Variants in DRAXIN observed in about 807,000 individuals in gnomAD.
The protein encoded by DRAXIN is dorsal repulsive axon guidance protein.
Under a neutral mutation model 33.9 loss-of-function variants are expected in DRAXIN, and 27 were observed. The ratio of observed to expected loss-of-function variants is 0.80; its 90% CI spans 0.59 to 1.10. DRAXIN has a LOEUF of 1.10. DRAXIN is among the 50% of genes least tolerant of loss of function. The pLI is 0.00. For missense variants in DRAXIN, 371 were observed against 460.8 expected, an observed-to-expected ratio of 0.81 and a Z score of 1.78; for synonymous variants, 178 against 194.0, an observed-to-expected ratio of 0.92 and a Z score of 0.69.
At position 11,696,594 on chromosome 1, in the gene DRAXIN, C is replaced by T. The variant is rs546043934; in HGVS notation, c.-11+4741C>T. On this transcript the variant is annotated intron_variant, in intron 1 of 6. Transcript: ENST00000294485. The surrounding 1 kb of genome is among the most constrained non-coding windows in gnomAD (Gnocchi z 4.7). Reference sequence around the variant, plus strand: ...AGAGCAAAAATCTGTCTCAAAAAAACCAAAACAAAAAACACTTTGGGAGGC... The same window carrying T: ...AGAGCAAAAATCTGTCTCAAAAAAATCAAAACAAAAAACACTTTGGGAGGC... Among the ~76,000 whole-genome samples the T allele has an allele frequency of 6.8e-6, 1 of 147,914 alleles. No individual in the cohort carries two copies. The highest frequency in any genetic ancestry group is 2.1e-4 in the East Asian group (1 of 4,850).
In DRAXIN at chr1:11,692,502, T is replaced by G. The variant is rs1180739843; in HGVS notation, c.-11+649T>G. Among the ~76,000 whole-genome samples, 1 of 152,190 alleles carries G rather than the reference T, an allele frequency of 6.6e-6. No homozygotes were observed. The highest frequency in any genetic ancestry group is 1.5e-5 in the Non-Finnish European group (1 of 68,028). Reference sequence around the variant, plus strand: ...CCCCCGACGGCGCTGGTCTTTCGCCTGTGGTCTCCCGCTCTGTCCCTCCTG... The same window carrying G: ...CCCCCGACGGCGCTGGTCTTTCGCCGGTGGTCTCCCGCTCTGTCCCTCCTG... On this transcript the variant is annotated intron_variant, in intron 1 of 6. Transcript: ENST00000294485. This position sits in a 1 kb window ranked among gnomAD's most constrained non-coding sequence, Gnocchi z 5.8.
intron 2 of DRAXIN, among the ~76,000 whole-genome samples, chr1:11,707,158 G>A (rs995933354): frequency 6.6e-6 from 1 of 152,140 alleles, no homozygotes; most frequent in Non-Finnish European, 1.5e-5. Flanking sequence ...CTGAGATGGC[G>A]CCACTGCACT....
rs1336627227 is a variant in DRAXIN at position 11,705,424 on chromosome 1, G to C, written c.-10-825G>C. 6.6e-6 allele frequency among the ~76,000 whole-genome samples: 1 copy of C among 152,108 alleles called. No homozygotes were observed. Among genetic ancestry groups the C allele is most frequent in the Non-Finnish European group, 1.5e-5 (1 of 68,006 alleles). On this transcript the variant is annotated intron_variant, in intron 1 of 6. Transcript: ENST00000294485. The surrounding 1 kb of genome is among the most constrained non-coding windows in gnomAD (Gnocchi z 4.8). The stretch of plus-strand genomic sequence containing the variant: ...GATATCCTGAGGCTAGGTCGGGTTG[G>C]CTCAGTCTACCCTGCAGGGGTCAGA...
In DRAXIN at chr1:11,715,629, G is replaced by A. The variant is rs572241208; in HGVS notation, c.937+421G>A. Among the ~76,000 whole-genome samples, 436 of 152,160 alleles carry A rather than the reference G, an allele frequency of 2.9e-3. 2 individuals carry two copies. The highest frequency in any genetic ancestry group is 5.6e-3 in the South Asian group (27 of 4,824). The stretch of plus-strand genomic sequence containing the variant: ...GCATTGAAGTGTGATAATGGGGTGG[G>A]GGTGGGTTTCCCAGCATGTCCCAGG... On this transcript the variant is annotated intron_variant, in intron 6 of 6. Coordinates refer to ENST00000294485, the MANE Select transcript of DRAXIN (RefSeq NM_198545.4).
Position 11,706,493 on chromosome 1 carries a change from G to T in DRAXIN, c.235G>T (p.Ala79Ser), listed in dbSNP as rs757216526. The T allele has an allele frequency of 1.9e-6, 3 of 1,611,388 alleles. No individual in the cohort carries two copies. Among genetic ancestry groups the T allele is most frequent in the Non-Finnish European group, 2.5e-6 (3 of 1,179,290 alleles). ...PGLPSQAQDG[A>S]VVTATRQASR... ...CCTGCCCAGCCAGGCCCAGGATGGGGCTGTGGTCACCGCCACCAGGCAGGC... is the reference window on the plus strand; with the variant it reads ...CCTGCCCAGCCAGGCCCAGGATGGGTCTGTGGTCACCGCCACCAGGCAGGC... Residue 79 changes from alanine (A) to serine (S), a missense_variant, in exon 2 of 7, where the codon GCT (alanine) becomes TCT (serine). Physicochemically the swap from Ala to Ser is moderately conservative, Grantham distance 99. Coordinates refer to ENST00000294485, the MANE Select transcript of DRAXIN (RefSeq NM_198545.4). This position sits in a 1 kb window ranked among gnomAD's most constrained non-coding sequence, Gnocchi z 5.5.
chr1:11,717,827 A>AT (rs2100744547), intron 6 of DRAXIN, among the ~76,000 whole-genome samples: 1 of 64,496 alleles, frequency 1.6e-5, no homozygotes, highest in African/African-American at 4.2e-5. Context: ...TACCAAAAAT[A>AT]CAAAAAAAAA....
At position 11,709,449 on chromosome 1, in the gene DRAXIN, C is replaced by T; in HGVS notation, c.626C>T (p.Thr209Ile). 6.2e-7 allele frequency: 1 copy of T among 1,613,542 alleles called. No homozygotes were observed. Among genetic ancestry groups the T allele is most frequent in the South Asian group, 1.1e-5 (1 of 90,954 alleles). The change falls in exon 3 of 7, where the codon ACC (threonine) becomes ATC (isoleucine). Residue 209 changes from threonine to isoleucine, a missense_variant. Thr to Ile is a moderately conservative substitution (Grantham distance 89). Coordinates refer to ENST00000294485, the MANE Select transcript of DRAXIN (RefSeq NM_198545.4). ...GAAGAGTCCCTGATCCTGCCCGTCA[C>T]CTCCCTGCGGCCCCAGGTAAGGGGT... The part of the protein sequence containing the change: ...ATEESLILPV[T>I]SLRPQQAQPR...
chr1:11,719,429 T>A (rs182059499), intron 6 of DRAXIN, among the ~76,000 whole-genome samples, 155 bp from the exon 7 acceptor site: 76 of 152,306 alleles, frequency 5.0e-4, no homozygotes, highest in Admixed American at 2.2e-3. Flanking sequence ...CGGGTTCGTG[T>A]CTTTTAAGCT....
At position 11,704,051 on chromosome 1, in the gene DRAXIN, G is replaced by A. The variant is rs1297126575; in HGVS notation, c.-10-2198G>A. 1.3e-5 allele frequency among the ~76,000 whole-genome samples: 2 copies of A among 152,176 alleles called. No homozygotes were observed. The highest frequency in any genetic ancestry group is 6.5e-5 in the Admixed American group (1 of 15,284). On this transcript the variant is annotated intron_variant, in intron 1 of 6. Coordinates refer to ENST00000294485, the MANE Select transcript of DRAXIN (RefSeq NM_198545.4). This position sits in a 1 kb window ranked among gnomAD's most constrained non-coding sequence, Gnocchi z 4.6. ...TACTGACAGCCTTGTGTGTCCCCAG[G>A]GACAGCAGACTAGCTGAGAAGCTGC...
At chr1:11,710,606 C>G (rs1486739915) in intron 3 of DRAXIN, among the ~76,000 whole-genome samples, 1 of 152,048 alleles carries the variant, frequency 6.6e-6, no homozygotes, top group Non-Finnish European at 1.5e-5. Flanking sequence ...GTTCTTGCAC[C>G]TCTTCTGTGG....
chr1:11,698,968 A>G (rs1199697792), intron 1 of DRAXIN, among the ~76,000 whole-genome samples: 1 of 152,220 alleles, frequency 6.6e-6, no homozygotes, highest in Non-Finnish European at 1.5e-5. Context: ...ATTCCTCCCC[A>G]CAGAGCTCCT....
chr1:11,711,085 A>G (rs1474091997), intron 3 of DRAXIN, among the ~76,000 whole-genome samples: 1 of 152,206 alleles, frequency 6.6e-6, no homozygotes, highest in Non-Finnish European at 1.5e-5. Context: ...TGAGGTCAGG[A>G]GTTCGAGACC....
At chr1:11,714,765 T>C (rs1258530771) in intron 5 of DRAXIN, among the ~76,000 whole-genome samples, 1 of 152,138 alleles carries the variant, frequency 6.6e-6, no homozygotes, top group Non-Finnish European at 1.5e-5. Flanking sequence ...AAAGAGGACA[T>C]TGGTTTTGGG....
intron 1 of DRAXIN, among the ~76,000 whole-genome samples, chr1:11,701,892 G>A (rs1236451287): frequency 6.6e-6 from 1 of 152,162 alleles, no homozygotes; most frequent in Admixed American, 6.5e-5. Context: ...GTTTCCTCGG[G>A]GGCTCCCTGC....
rs1048254236 is a variant in DRAXIN at position 11,705,167 on chromosome 1, C to T, written c.-10-1082C>T. 3.3e-5 allele frequency among the ~76,000 whole-genome samples: 5 copies of T among 152,182 alleles called. No individual in the cohort carries two copies. The highest frequency in any genetic ancestry group is 1.2e-4 in the African/African-American group (5 of 41,436). On this transcript the variant is annotated intron_variant, in intron 1 of 6. Coordinates refer to ENST00000294485, the MANE Select transcript of DRAXIN (RefSeq NM_198545.4). The surrounding 1 kb of genome is among the most constrained non-coding windows in gnomAD (Gnocchi z 4.8). Reference sequence around the variant, plus strand: ...AGAAACGGTGGCGTAAGCACCCTTGCCAGCCTAGTGGAATACTCGGGAGGC... The same window carrying T: ...AGAAACGGTGGCGTAAGCACCCTTGTCAGCCTAGTGGAATACTCGGGAGGC...
At chr1:11,712,213 G>T in intron 4 of DRAXIN, 127 bp from the exon 5 acceptor site, 1 of 1,121,310 alleles carries the variant, frequency 8.9e-7, no homozygotes, top group South Asian at 1.3e-5. Flanking sequence ...TACCTGTTAG[G>T]TCCAACAGTG....
rs766281349 is a variant in DRAXIN at position 11,709,247 on chromosome 1, C to T, written c.452-28C>T. 4.4e-6 allele frequency: 7 copies of T among 1,582,466 alleles called. No individual in the cohort carries two copies. The African/African-American group carries it at 9.5e-5, about 21-fold the overall frequency. ...GCCACGAGGTGGCAAGCAGATATAG[C>T]CCCCGTGCTCCCCACCCTGTGTCTC... On this transcript the variant is annotated intron_variant, in intron 2 of 6. Transcript: ENST00000294485.
chr1:11,698,684 A>G (rs1042824540), intron 1 of DRAXIN, among the ~76,000 whole-genome samples: 1 of 152,194 alleles, frequency 6.6e-6, no homozygotes, highest in African/African-American at 2.4e-5. Flanking sequence ...GAGAGACCTC[A>G]TCTCAACTAA....
chr1:11,706,323 T>G lies in DRAXIN; in HGVS notation c.65T>G (p.Leu22Arg). 2 of 1,613,770 alleles carry G rather than the reference T, an allele frequency of 1.2e-6. No individual in the cohort carries two copies. The highest frequency in any genetic ancestry group is 2.2e-5 in the South Asian group (2 of 91,040). The change falls in exon 2 of 7, where the codon CTG (leucine) becomes CGG (arginine). Residue 22 changes from leucine to arginine, a missense_variant. By Grantham distance (102) the Leu-to-Arg change is moderately radical (BLOSUM62 -2). Coordinates refer to ENST00000294485, the MANE Select transcript of DRAXIN (RefSeq NM_198545.4). This position sits in a 1 kb window ranked among gnomAD's most constrained non-coding sequence, Gnocchi z 5.5. The part of the protein sequence containing the change: ...LFLVLLLPLE[L>R]SLAGALAPGT... The stretch of plus-strand genomic sequence containing the variant: ...CTCGTCCTCCTGCTGCCCCTGGAGC[T>G]GAGCCTGGCAGGCGCCCTTGCACCT...
Sources: allele counts gnomAD v4.1 joint callset (sites outside exome capture counted in the v4.1 genomes callset), GRCh38; gene constraint gnomAD v4.1.1; non-coding constraint Gnocchi (gnomAD v3.1); transcripts MANE v1.5; gene names NCBI Gene and HGNC (gene_info 2026-07-23, HGNC 2026-07-21).